PCDH11X: variants seen among roughly 807,000 people sequenced by gnomAD.
PCDH11X encodes protocadherin 11 X-linked, also known as protocadherin-11 X-linked.
A neutral mutation model predicts 53.3 loss-of-function variants in PCDH11X; 18 were observed. That is an observed-to-expected ratio of 0.34 (90% CI 0.23 to 0.50). The LOEUF is 0.50. Ranked by LOEUF, PCDH11X falls within the 20% of genes least tolerant of loss-of-function variation. PCDH11X has a pLI of 0.98. For synonymous variants in PCDH11X, 279 were observed against 393.3 expected (o/e 0.71, Z 3.44); for missense variants, 570 against 1,032.4 (o/e 0.55, Z 6.14).
intron 9 of PCDH11X, among the ~76,000 whole-genome samples, chrX:92,448,477 C>A (rs2148643884): frequency 1.1e-5 from 1 of 87,763 alleles, no homozygotes; most frequent in Non-Finnish European, 2.2e-5. Context: ...TCTTTGCCTG[C>A]TGCCATCCAT....
intron 7 of PCDH11X, among the ~76,000 whole-genome samples, chrX:92,219,246 G>A (rs2066804628): frequency 9.0e-6 from 1 of 110,762 alleles, no homozygotes; most frequent in Non-Finnish European, 1.9e-5. Flanking sequence ...AGGAAAAGAG[G>A]AAGTCAAATT....
intron 6 of PCDH11X, among the ~76,000 whole-genome samples, chrX:92,140,776 A>G (rs1466645297): frequency 9.0e-6 from 1 of 111,574 alleles, no homozygotes; most frequent in East Asian, 2.8e-4. Flanking sequence ...TCGTTGCTCA[A>G]AAAATGTTTA....
chrX:92,175,756 A>G (rs376037517), intron 6 of PCDH11X, among the ~76,000 whole-genome samples: 49 of 70,956 alleles, frequency 6.9e-4, no homozygotes, highest in Non-Finnish European at 1.1e-3. Context: ...GTATACATAT[A>G]TGTGTGTGTG....
chrX:91,873,261 T>A (rs1939422983), intron 5 of PCDH11X, among the ~76,000 whole-genome samples: 1 of 110,134 alleles, frequency 9.1e-6, no homozygotes, highest in Non-Finnish European at 1.9e-5. Context: ...ATGTTCTACA[T>A]CTGCAGTGTC....
chrX:92,135,753 A>G (rs2476033), intron 6 of PCDH11X, among the ~76,000 whole-genome samples: 1 of 85,902 alleles, frequency 1.2e-5, no homozygotes. Context: ...ATGTGTGTGC[A>G]TGTTTGTGTG....
intron 6 of PCDH11X, among the ~76,000 whole-genome samples, chrX:92,195,828 C>T (rs1023567054): frequency 2.7e-5 from 3 of 111,874 alleles, no homozygotes; most frequent in Non-Finnish European, 5.6e-5. Flanking sequence ...GAGAATTAAT[C>T]ATAGGACGTA....
intron 1 of PCDH11X, among the ~76,000 whole-genome samples, chrX:91,801,691 T>C (rs1602857825): frequency 8.9e-6 from 1 of 112,154 alleles, no homozygotes; most frequent in East Asian, 2.8e-4. Flanking sequence ...TACTAATGAT[T>C]TGTTTTGCAG....
At chrX:92,096,134 A>G (rs1303206511) in intron 6 of PCDH11X, among the ~76,000 whole-genome samples, 1 of 112,123 alleles carries the variant, frequency 8.9e-6, no homozygotes, top group Non-Finnish European at 1.9e-5. Context: ...TCTGAAGGAA[A>G]GTAAGGTTAG....
At chrX:92,581,006 A>C (rs1302404497) in intron 10 of PCDH11X, among the ~76,000 whole-genome samples, 1 of 109,749 alleles carries the variant, frequency 9.1e-6, no homozygotes, top group Non-Finnish European at 1.9e-5. Flanking sequence ...GGATTCACTC[A>C]CTGAGTTCAT....
chrX:92,462,255 A>G (rs1395893955), intron 9 of PCDH11X, among the ~76,000 whole-genome samples: 1 of 111,478 alleles, frequency 9.0e-6, no homozygotes, highest in African/African-American at 3.3e-5. Context: ...ACTTATTTTC[A>G]ATTTCACAAG....
At chrX:92,299,515 A>G (rs2068677558) in intron 8 of PCDH11X, among the ~76,000 whole-genome samples, 1 of 110,907 alleles carries the variant, frequency 9.0e-6, no homozygotes, top group Non-Finnish European at 1.9e-5. Context: ...CAGGGATCCA[A>G]TTTCTTCCTG....
At chrX:91,931,713 AT>A (rs1282597372) in intron 6 of PCDH11X, among the ~76,000 whole-genome samples, 1 of 110,018 alleles carries the variant, frequency 9.1e-6, no homozygotes, top group East Asian at 2.9e-4. Context: ...TTAAGATAAT[AT>A]TTTTTGGCTG....
intron 1 of PCDH11X, among the ~76,000 whole-genome samples, chrX:91,805,139 G>A (rs1936058036): frequency 1.9e-5 from 2 of 106,119 alleles, no homozygotes; most frequent in Non-Finnish European, 3.9e-5. Context: ...TTCTATTCAC[G>A]TGATCTATTT....
At chrX:92,500,086 A>C (rs2073935144) in intron 10 of PCDH11X, among the ~76,000 whole-genome samples, 1 of 111,461 alleles carries the variant, frequency 9.0e-6, no homozygotes, top group Non-Finnish European at 1.9e-5. Flanking sequence ...CTTTTCTTAA[A>C]ATTGATACTA....
chrX:91,975,233 A>T (rs1347903372), intron 6 of PCDH11X, among the ~76,000 whole-genome samples: 3 of 111,863 alleles, frequency 2.7e-5, no homozygotes, highest in Admixed American at 1.9e-4. Flanking sequence ...AACACCTAGG[A>T]TGATATCTTA....
chrX:92,254,369 A>T (rs770829352), intron 7 of PCDH11X, among the ~76,000 whole-genome samples: 2 of 110,972 alleles, frequency 1.8e-5, no homozygotes, highest in South Asian at 7.8e-4. Flanking sequence ...AAAACAGCAC[A>T]CTGATGGGTC....
intron 6 of PCDH11X, among the ~76,000 whole-genome samples, chrX:92,090,657 A>G (rs1268134631): frequency 9.0e-6 from 1 of 110,631 alleles, no homozygotes; most frequent in East Asian, 2.9e-4. Flanking sequence ...ACAGAGACAG[A>G]CTTGAAACAG....
At chrX:92,211,186 C>T (rs5984910) in intron 7 of PCDH11X, among the ~76,000 whole-genome samples, 3,553 of 111,683 alleles carry the variant, frequency 0.032, 136 homozygotes, top group African/African-American at 0.11. Context: ...GTGGGCTGTA[C>T]AGGCTTCTGC....
intron 10 of PCDH11X, among the ~76,000 whole-genome samples, chrX:92,576,076 G>A (rs1485936368): frequency 1.1e-5 from 1 of 95,072 alleles, no homozygotes; most frequent in African/African-American, 3.8e-5. Context: ...CTCCAGGGTT[G>A]GGTTCATGTA....
Sources: gnomAD v4.1 joint callset for allele counts (sites outside exome capture counted in the v4.1 genomes callset) on GRCh38, gnomAD v4.1.1 for gene constraint, MANE v1.5 for transcripts, NCBI Gene and HGNC (gene_info 2026-07-23, HGNC 2026-07-21) for gene names.